DLG2: variants seen among roughly 807,000 people sequenced by gnomAD.
The protein encoded by DLG2 is disks large homolog 2.
A neutral mutation model predicts 132.5 loss-of-function variants in DLG2; 45 were observed. The ratio of observed to expected loss-of-function variants is 0.34; its 90% CI spans 0.27 to 0.44. DLG2 has a LOEUF of 0.44. Ranked by LOEUF, DLG2 falls within the 20% of genes least tolerant of loss-of-function variation. The pLI is 1.00. For missense variants in DLG2, 1,045 were observed against 1,196.9 expected (o/e 0.87, Z 1.87); for synonymous variants, 424 against 419.6 (o/e 1.01, Z -0.13).
chr11:85,101,691 T>G (rs1292768728), intron 6 of DLG2, among the ~76,000 whole-genome samples: 1 of 152,098 alleles, frequency 6.6e-6, no homozygotes, highest in Non-Finnish European at 1.5e-5. Flanking sequence ...TATTAGTAGC[T>G]TTGTACAAAC....
At chr11:85,512,055 T>C (rs2094085058) in intron 3 of DLG2, among the ~76,000 whole-genome samples, 1 of 152,106 alleles carries the variant, frequency 6.6e-6, no homozygotes, top group South Asian at 2.1e-4. Context: ...ATCATAATAT[T>C]ATATAATAGG....
chr11:83,838,101 G>A lies in DLG2; in HGVS notation c.1566-4331C>T, dbSNP rs184855862. 3.8e-3 allele frequency among the ~76,000 whole-genome samples: 583 copies of A among 152,196 alleles called. 8 individuals are homozygous for A. Among genetic ancestry groups the A allele is most frequent in the Non-Finnish European group, 2.7e-3 (183 of 68,016 alleles). ...GACTCTGACATTTGTCCCTGTGCTA[G>A]ATATTGTGCTTGATGCTTTATATGA... On this transcript the variant is annotated intron_variant, in intron 16 of 27. Transcript: ENST00000376104.
intron 6 of DLG2, among the ~76,000 whole-genome samples, chr11:84,704,492 T>A (rs138908418): frequency 9.8e-4 from 148 of 151,580 alleles, no homozygotes; most frequent in African/African-American, 3.5e-3. Flanking sequence ...TAGACAGTCA[T>A]TCCTTCATGT....
At chr11:84,343,834 A>G (rs944990665) in intron 7 of DLG2, among the ~76,000 whole-genome samples, 7 of 152,212 alleles carry the variant, frequency 4.6e-5, no homozygotes, top group Admixed American at 4.6e-4. Flanking sequence ...TTTTCCTAAT[A>G]TAGACATTCA....
intron 9 of DLG2, among the ~76,000 whole-genome samples, chr11:84,110,456 C>G (rs1050202835): frequency 6.6e-6 from 1 of 151,976 alleles, no homozygotes; most frequent in Admixed American, 6.6e-5. Context: ...CTGTACTAGT[C>G]CAAGTCCTCT....
intron 18 of DLG2, among the ~76,000 whole-genome samples, chr11:83,721,251 A>G (rs1347589922): frequency 1.3e-5 from 2 of 152,224 alleles, no homozygotes; most frequent in African/African-American, 4.8e-5. Context: ...CTCATTTAAC[A>G]GACCCTTACT....
chr11:85,552,104 A>G (rs2153220783), intron 3 of DLG2, among the ~76,000 whole-genome samples: 1 of 150,642 alleles, frequency 6.6e-6, no homozygotes, highest in Admixed American at 6.6e-5. Flanking sequence ...AGAAAAAAAA[A>G]AAAAAAAAAG....
intron 6 of DLG2, among the ~76,000 whole-genome samples, chr11:84,705,656 C>G (rs911571256): frequency 1.3e-5 from 2 of 151,744 alleles, no homozygotes; most frequent in African/African-American, 4.8e-5. Flanking sequence ...ACTTCTAGGT[C>G]TCAGTCTTGG....
At chr11:84,690,134 A>G (rs948129418) in intron 6 of DLG2, among the ~76,000 whole-genome samples, 2 of 151,808 alleles carry the variant, frequency 1.3e-5, no homozygotes, top group African/African-American at 4.8e-5. Context: ...TAGGGGGAAA[A>G]AGAGATGGGA....
intron 9 of DLG2, among the ~76,000 whole-genome samples, chr11:84,133,638 TTC>T (rs1248574923): frequency 1.3e-5 from 2 of 151,874 alleles, no homozygotes; most frequent in African/African-American, 2.4e-5. Context: ...CTTCTTCTTC[TTC>T]TTCTACTTCT....
intron 2 of DLG2, among the ~76,000 whole-genome samples, chr11:85,610,892 A>G (rs1356744630): frequency 1.3e-5 from 2 of 152,174 alleles, no homozygotes; most frequent in African/African-American, 4.8e-5. Flanking sequence ...TTTGCCGACT[A>G]TGGATCCCCG....
chr11:83,761,104 C>A (rs1444448015), intron 18 of DLG2, among the ~76,000 whole-genome samples: 1 of 152,114 alleles, frequency 6.6e-6, no homozygotes, highest in Non-Finnish European at 1.5e-5. Context: ...AAGCATGGAG[C>A]ACATATGGCT....
chr11:85,077,319 G>A lies in DLG2; in HGVS notation c.357+34342C>T, dbSNP rs541999450. 1.7e-4 allele frequency among the ~76,000 whole-genome samples: 26 copies of A among 152,092 alleles called. No individual in the cohort carries two copies. The South Asian group carries it at 5.2e-3, about 30-fold the overall frequency. ...TGATAAGGAAGACTCCTCATAGGAGGTTAATGTTCATCTGGTATATGATTT... is the reference window on the plus strand; with the variant it reads ...TGATAAGGAAGACTCCTCATAGGAGATTAATGTTCATCTGGTATATGATTT... On this transcript the variant is annotated intron_variant, in intron 6 of 27. Transcript: ENST00000376104.
intron 21 of DLG2, among the ~76,000 whole-genome samples, chr11:83,525,986 T>A (rs2095600181): frequency 6.6e-6 from 1 of 151,682 alleles, no homozygotes; most frequent in African/African-American, 2.4e-5. Flanking sequence ...GAGTCTCAGT[T>A]TCTTCATTTG....
At chr11:84,055,887 A>C (rs1164473164) in intron 11 of DLG2, among the ~76,000 whole-genome samples, 1 of 152,114 alleles carries the variant, frequency 6.6e-6, no homozygotes, top group African/African-American at 2.4e-5. Flanking sequence ...TGCCAGGTAC[A>C]TACTAAACAA....
chr11:84,329,049 A>T (rs1190172866), intron 7 of DLG2, among the ~76,000 whole-genome samples: 1 of 152,206 alleles, frequency 6.6e-6, no homozygotes, highest in Non-Finnish European at 1.5e-5. Flanking sequence ...TTAAATTGAG[A>T]TGTACAGAAA....
At chr11:84,422,438 A>G (rs7935425) in intron 7 of DLG2, among the ~76,000 whole-genome samples, 23,381 of 152,174 alleles carry the variant, frequency 0.15, 3,454 homozygotes, top group African/African-American at 0.38. Flanking sequence ...ATCCTCTTGA[A>G]AAATTTTCTG....
At chr11:85,122,384 G>A (rs1337728300) in intron 5 of DLG2, among the ~76,000 whole-genome samples, 2 of 152,084 alleles carry the variant, frequency 1.3e-5, no homozygotes, top group Non-Finnish European at 2.9e-5. Flanking sequence ...AGGTATTCCA[G>A]GCATAAGAAA....
chr11:83,753,352 G>A (rs1201332684), intron 18 of DLG2, among the ~76,000 whole-genome samples: 1 of 152,084 alleles, frequency 6.6e-6, no homozygotes, highest in Non-Finnish European at 1.5e-5. Flanking sequence ...GAACCTGGGA[G>A]GCAGAGGTTG....
Sources: gnomAD v4.1 joint callset for allele counts (sites outside exome capture counted in the v4.1 genomes callset) on GRCh38, gnomAD v4.1.1 for gene constraint, MANE v1.5 for transcripts, NCBI Gene and HGNC (gene_info 2026-07-23, HGNC 2026-07-21) for gene names.